Variants in STIM2 observed in about 807,000 individuals in gnomAD.
The protein encoded by STIM2 is stromal interaction molecule 2.
STIM2 carries 31 observed loss-of-function variants against 85.8 expected under a neutral mutation model. The observed-to-expected ratio is 0.36, with a 90% confidence interval of 0.27 to 0.49. The LOEUF is 0.49. Ranked by LOEUF, STIM2 falls within the 20% of genes least tolerant of loss-of-function variation. STIM2 has a pLI of 0.98. For synonymous variants in STIM2, 356 were observed against 331.1 expected (o/e 1.08, Z -0.82); for missense variants, 841 against 927.6 (o/e 0.91, Z 1.21).
At chr4:26,893,098 A>G (rs1723556649) in intron 1 of STIM2, among the ~76,000 whole-genome samples, 2 of 152,230 alleles carry the variant, frequency 1.3e-5, no homozygotes, top group South Asian at 4.1e-4. Flanking sequence ...TAGTGGCACT[A>G]ATGTATGCAG....
chr4:27,017,000 C>T (rs959180639), intron 10 of STIM2, among the ~76,000 whole-genome samples: 2 of 152,104 alleles, frequency 1.3e-5, no homozygotes, highest in Non-Finnish European at 2.9e-5. Flanking sequence ...CATGCAGGAG[C>T]GAACAGCTTC....
intron 1 of STIM2, among the ~76,000 whole-genome samples, chr4:26,869,428 G>A (rs1381766652): frequency 6.6e-6 from 1 of 152,114 alleles, no homozygotes; most frequent in African/African-American, 2.4e-5. Context: ...GTCTGTGTGT[G>A]CATAGAGTTT....
chr4:26,920,752 C>T (rs1472901729), intron 2 of STIM2, among the ~76,000 whole-genome samples: 1 of 152,170 alleles, frequency 6.6e-6, no homozygotes, highest in Non-Finnish European at 1.5e-5. Context: ...GTCTAGATCC[C>T]TGACCTTTTG....
At chr4:26,922,256 A>T (rs1026252005) in intron 2 of STIM2, among the ~76,000 whole-genome samples, 2 of 151,900 alleles carry the variant, frequency 1.3e-5, no homozygotes, top group Non-Finnish European at 2.9e-5. Context: ...AATAGAGGTA[A>T]TTTATAGAGG....
chr4:27,008,612 T>C, intron 9 of STIM2, 84 bp downstream of exon 9: 1 of 1,135,194 alleles, frequency 8.8e-7, no homozygotes, highest in Non-Finnish European at 1.3e-6. Context: ...ATTTATCATT[T>C]ATATAATTAC....
chr4:26,887,394 CTA>C (rs149344939), intron 1 of STIM2, among the ~76,000 whole-genome samples: 1 of 152,156 alleles, frequency 6.6e-6, no homozygotes, highest in African/African-American at 2.4e-5. Context: ...TGGACAAAGC[CTA>C]AAGCTCAAAC....
chr4:26,954,711 A>G (rs1212272774), intron 2 of STIM2, among the ~76,000 whole-genome samples: 1 of 148,160 alleles, frequency 6.7e-6, no homozygotes, highest in Non-Finnish European at 1.5e-5. Context: ...AAAAGGTTCC[A>G]TAGAACCTGA....
chr4:26,975,646 G>A (rs558455102), intron 3 of STIM2, among the ~76,000 whole-genome samples: 6 of 152,264 alleles, frequency 3.9e-5, no homozygotes, highest in Admixed American at 1.3e-4. Context: ...AGGAGCAGCC[G>A]CGTATATGAG....
chr4:26,904,056 A>G (rs1724029731), intron 1 of STIM2, among the ~76,000 whole-genome samples: 1 of 149,948 alleles, frequency 6.7e-6, no homozygotes, highest in African/African-American at 2.4e-5. Flanking sequence ...TTAACTCGTC[A>G]TTTAGCATTA....
intron 2 of STIM2, among the ~76,000 whole-genome samples, chr4:26,931,643 T>A (rs74886058): frequency 0.013 from 2,017 of 152,202 alleles, 36 homozygotes; most frequent in African/African-American, 0.046. Context: ...GTGTAATTTG[T>A]TTGACTGAAG....
chr4:27,009,096 G>GA (rs925886065), intron 10 of STIM2, 94 bp downstream of exon 10: 3 of 1,101,924 alleles, frequency 2.7e-6, no homozygotes, highest in African/African-American at 3.2e-5. Flanking sequence ...AAATCTGTGA[G>GA]AAAAAATTGG....
intron 1 of STIM2, among the ~76,000 whole-genome samples, chr4:26,879,239 C>A (rs1390825010): frequency 6.6e-6 from 1 of 152,086 alleles, no homozygotes; most frequent in South Asian, 2.1e-4. Context: ...ATAGATCTTC[C>A]ATTTTTGTAT....
At chr4:26,917,691 C>A (rs1724635193) in intron 1 of STIM2, among the ~76,000 whole-genome samples, 1 of 152,134 alleles carries the variant, frequency 6.6e-6, no homozygotes, top group Non-Finnish European at 1.5e-5. Context: ...TAGAGACTTT[C>A]ACAACAAGGC....
At chr4:26,993,504 A>C (rs1273786914) in intron 3 of STIM2, among the ~76,000 whole-genome samples, 1 of 151,080 alleles carries the variant, frequency 6.6e-6, no homozygotes, top group African/African-American at 2.4e-5. Context: ...TTTGCTTGCA[A>C]GTATGAATTC....
At chr4:26,958,739 C>T (rs1029979288) in intron 3 of STIM2, among the ~76,000 whole-genome samples, 4 of 151,918 alleles carry the variant, frequency 2.6e-5, no homozygotes, top group Admixed American at 1.3e-4. Flanking sequence ...AACATGAGCT[C>T]GGATAGGAAT....
intron 3 of STIM2, among the ~76,000 whole-genome samples, chr4:26,984,737 A>G (rs1231917390): frequency 1.3e-5 from 2 of 152,316 alleles, no homozygotes; most frequent in African/African-American, 4.8e-5. Context: ...TTGATAGTAC[A>G]CTTAGTTTCA....
At chr4:26,877,317 C>T (rs1385610064) in intron 1 of STIM2, among the ~76,000 whole-genome samples, 1 of 152,118 alleles carries the variant, frequency 6.6e-6, no homozygotes, top group Admixed American at 6.6e-5. Flanking sequence ...TGCCATTTGA[C>T]TCTCTTACAG....
intron 3 of STIM2, among the ~76,000 whole-genome samples, chr4:26,981,983 G>A (rs1050512546): frequency 1.3e-5 from 2 of 148,596 alleles, no homozygotes; most frequent in Non-Finnish European, 3.0e-5. Context: ...TTTTTTTTTG[G>A]TGGAGAGATA....
chr4:26,886,585 T>G (rs1222567339), intron 1 of STIM2, among the ~76,000 whole-genome samples: 1 of 152,144 alleles, frequency 6.6e-6, no homozygotes, highest in East Asian at 1.9e-4. Flanking sequence ...GCATGGGCCC[T>G]GATGGATACC....
Sources: allele counts gnomAD v4.1 joint callset (sites outside exome capture counted in the v4.1 genomes callset), GRCh38; gene constraint gnomAD v4.1.1; transcripts MANE v1.5; gene names NCBI Gene and HGNC (gene_info 2026-07-23, HGNC 2026-07-21).